The following JAK1 variants were observed in gnomAD, a reference collection of about 807,000 sequenced individuals.
JAK1 encodes the protein Janus kinase 1, also known as tyrosine-protein kinase JAK1.
Under a neutral mutation model 136.6 loss-of-function variants are expected in JAK1, and 16 were observed. The observed-to-expected ratio is 0.12, with a 90% CI of 0.08 to 0.18. The LOEUF (loss-of-function observed/expected upper bound fraction) is 0.18, where lower values mean the gene tolerates loss of function less well. JAK1 is among the 10% of genes least tolerant of loss of function. The probability of loss-of-function intolerance (pLI) is 1.00; values close to 1 mark genes in which losing one functional copy is unlikely to be tolerated. For missense variants in JAK1, 859 were observed against 1,450.1 expected, an observed-to-expected ratio of 0.59 and a Z score of 6.62; for synonymous variants, 492 against 519.5, an observed-to-expected ratio of 0.95 and a Z score of 0.72.
rs375081099 is a variant in JAK1 at position 65,012,108 on chromosome 1, C to T, written c.-78+32372G>A. Among the ~76,000 whole-genome samples, 18 of 152,290 alleles carry T rather than the reference C, an allele frequency of 1.2e-4. 1 individual carries two copies. The highest frequency in any genetic ancestry group is 3.3e-4 in the Admixed American group (5 of 15,296). ...CACAGAACCTGGCTCAGCTGAGAGACAACAGCTCTGTCATGGGGAGGTTGA... is the reference window on the plus strand; with the variant it reads ...CACAGAACCTGGCTCAGCTGAGAGATAACAGCTCTGTCATGGGGAGGTTGA... On this transcript the variant is annotated intron_variant, in intron 2 of 25. Coordinates refer to the JAK1 transcript ENST00000671954.
chr1:64,968,614 C>T (rs969323147), upstream of JAK1, among the ~76,000 whole-genome samples: 1 of 151,880 alleles, frequency 6.6e-6, no homozygotes. Flanking sequence ...CACAGCAAGA[C>T]CCTGTCTCTA....
chr1:65,052,682 T>C (rs1298357301), intron 1 of JAK1, among the ~76,000 whole-genome samples: 3 of 151,496 alleles, frequency 2.0e-5, no homozygotes, highest in Non-Finnish European at 4.4e-5. Flanking sequence ...GGTGTGGTGG[T>C]GGGTGCCTGT....
At chr1:64,898,322 T>C (rs1302713327) in intron 1 of JAK1, among the ~76,000 whole-genome samples, 1 of 152,208 alleles carries the variant, frequency 6.6e-6, no homozygotes, top group Non-Finnish European at 1.5e-5. Context: ...CTCTGAATTA[T>C]TTTTGTAACA....
At chr1:64,893,427 T>G (rs1329446426) in intron 1 of JAK1, among the ~76,000 whole-genome samples, 1 of 152,086 alleles carries the variant, frequency 6.6e-6, no homozygotes, top group Non-Finnish European at 1.5e-5. Flanking sequence ...CCTCCAAAGT[T>G]CCTTATAGAA....
At chr1:64,902,575 A>AGTGTGT (rs1271111341) in intron 1 of JAK1, among the ~76,000 whole-genome samples, 8 of 66,616 alleles carry the variant, frequency 1.2e-4, no homozygotes, top group African/African-American at 3.9e-4. Context: ...AGAGAGAGAG[A>AGTGTGT]GAGAGAGAGT....
intron 1 of JAK1, among the ~76,000 whole-genome samples, chr1:64,939,185 T>G (rs1256185107): frequency 6.6e-6 from 1 of 152,266 alleles, no homozygotes; most frequent in South Asian, 2.1e-4. Context: ...CACACTTTTC[T>G]GGCTGCCATC....
At chr1:64,960,374 C>A (rs1246720729) in intron 1 of JAK1, among the ~76,000 whole-genome samples, 1 of 152,142 alleles carries the variant, frequency 6.6e-6, no homozygotes, top group African/African-American at 2.4e-5. Flanking sequence ...AGGAAACAGG[C>A]GTAACTTGCT....
chr1:64,847,705 C>G (rs1219469988), intron 12 of JAK1, 30 bp from the exon 13 acceptor site: 1 of 1,609,704 alleles, frequency 6.2e-7, no homozygotes, highest in Non-Finnish European at 8.5e-7. Context: ...GCTGGGTGAC[C>G]TCTCTGTGCC....
intron 6 of JAK1, among the ~76,000 whole-genome samples, chr1:64,867,945 A>G (rs1014527473): frequency 6.6e-6 from 1 of 152,084 alleles, no homozygotes; most frequent in Non-Finnish European, 1.5e-5. Flanking sequence ...AGCCAAGATC[A>G]TGCCATTGTA....
intron 1 of JAK1, among the ~76,000 whole-genome samples, chr1:64,947,874 C>A (rs1646016246): frequency 6.6e-6 from 1 of 151,884 alleles, no homozygotes; most frequent in African/African-American, 2.4e-5. Flanking sequence ...ATGAATTTTT[C>A]AATTTAAATC....
At chr1:64,960,986 T>A (rs1299003753) in intron 1 of JAK1, among the ~76,000 whole-genome samples, 1 of 152,222 alleles carries the variant, frequency 6.6e-6, no homozygotes. Context: ...GTTTCACTTT[T>A]GAGTTTTGGT....
intron 2 of JAK1, among the ~76,000 whole-genome samples, chr1:64,995,965 C>G (rs993119992): frequency 6.6e-6 from 1 of 152,144 alleles, no homozygotes; most frequent in South Asian, 2.1e-4. Flanking sequence ...CCTTGAACTC[C>G]TTGGCTCAGG....
At chr1:64,992,841 A>G (rs555716596) in intron 2 of JAK1, 1 of 144,764 alleles carries the variant, frequency 6.9e-6, no homozygotes, top group Non-Finnish European at 1.5e-5. Flanking sequence ...GTGAGCCAAG[A>G]TTGCACCACT....
chr1:64,977,214 A>G (rs1353545582), intron 2 of JAK1, among the ~76,000 whole-genome samples: 4 of 152,016 alleles, frequency 2.6e-5, no homozygotes, highest in Admixed American at 2.6e-4. Flanking sequence ...TAGTGGCACA[A>G]CCACAGCTCA....
chr1:65,055,483 G>T (rs905433506), intron 1 of JAK1, among the ~76,000 whole-genome samples: 1 of 152,174 alleles, frequency 6.6e-6, no homozygotes, highest in Non-Finnish European at 1.5e-5. Context: ...CTGTCAGAGT[G>T]CCGCCTTTCA....
chr1:64,913,109 C>T (rs1432673548), intron 1 of JAK1, among the ~76,000 whole-genome samples: 1 of 152,140 alleles, frequency 6.6e-6, no homozygotes, highest in East Asian at 1.9e-4. Flanking sequence ...ATCTTGGCCT[C>T]CCAGGCTCAA....
intron 1 of JAK1, among the ~76,000 whole-genome samples, chr1:64,906,624 A>G (rs1038310376): frequency 1.3e-5 from 2 of 152,224 alleles, no homozygotes; most frequent in African/African-American, 2.4e-5. Context: ...CGCCATTCTC[A>G]GTCACTATCA....
chr1:64,907,436 A>G (rs993738588), intron 1 of JAK1, among the ~76,000 whole-genome samples: 3 of 152,200 alleles, frequency 2.0e-5, no homozygotes, highest in African/African-American at 7.2e-5. Flanking sequence ...AGGCTCTGCC[A>G]TAATAAATCC....
At chr1:65,013,551 T>C (rs917991855) in intron 2 of JAK1, among the ~76,000 whole-genome samples, 2 of 152,214 alleles carry the variant, frequency 1.3e-5, no homozygotes, top group African/African-American at 4.8e-5. Flanking sequence ...TGAAAATTTG[T>C]AATCACTTGC....
Sources: gnomAD v4.1 joint callset for allele counts (sites outside exome capture counted in the v4.1 genomes callset) on GRCh38, gnomAD v4.1.1 for gene constraint, MANE v1.5 for transcripts, NCBI Gene and HGNC (gene_info 2026-07-23, HGNC 2026-07-21) for gene names.